Variants in TFB1M observed in about 807,000 individuals in gnomAD.
TFB1M encodes dimethyladenosine transferase 1, mitochondrial.
A neutral mutation model predicts 31.1 loss-of-function variants in TFB1M; 27 were observed. That is an observed-to-expected ratio of 0.87 (90% CI 0.64 to 1.20). The LOEUF (loss-of-function observed/expected upper bound fraction) is 1.20, where lower values mean the gene tolerates loss of function less well. TFB1M is among the 50% of genes most tolerant of loss of function. The pLI is 0.00. For missense variants in TFB1M, 394 were observed against 418.7 expected, an observed-to-expected ratio of 0.94 and a Z score of 0.51; for synonymous variants, 166 against 151.8, an observed-to-expected ratio of 1.09 and a Z score of -0.69.
chr6:155,247,857 C>A, the TFB1M span: 2 of 1,055,394 alleles, frequency 1.9e-6, no homozygotes, highest in Non-Finnish European at 2.7e-6. Context: ...GGGTGCCTGA[C>A]CCACTGATGT....
chr6:155,243,249 T>G, the TFB1M span, among the ~76,000 whole-genome samples: 1 of 152,124 alleles, frequency 6.6e-6, no homozygotes, highest in Non-Finnish European at 1.5e-5. Context: ...ACCCCAAAGT[T>G]GAAGGGCTCC....
At chr6:155,248,287 C>T in the TFB1M span, 2 of 1,291,808 alleles carry the variant, frequency 1.5e-6, no homozygotes, top group African/African-American at 1.5e-5. Context: ...AGTGGCACGT[C>T]CTAAGTCACT....
At chr6:155,254,355 C>T (rs775737136), downstream of TFB1M, 56 of 1,572,616 alleles carry the variant, frequency 3.6e-5, no homozygotes, top group Middle Eastern at 1.7e-4. Flanking sequence ...CACAGGCGGG[C>T]GTGGAATGGA....
At chr6:155,283,670 C>A (rs975636497) in intron 5 of TFB1M, among the ~76,000 whole-genome samples, 4 of 152,090 alleles carry the variant, frequency 2.6e-5, no homozygotes, top group African/African-American at 9.7e-5. Flanking sequence ...ATCCTAAGAA[C>A]CCGTTAGTAA....
chr6:155,311,217 T>C lies in TFB1M; in HGVS notation c.256A>G (p.Lys86Glu), dbSNP rs1373077919. 1.2e-6 allele frequency: 2 copies of C among 1,614,050 alleles called. No individual in the cohort carries two copies. The highest frequency in any genetic ancestry group is 1.7e-6 in the Non-Finnish European group (2 of 1,179,998). Residue 86 changes from lysine (K) to glutamate (E), a missense_variant, in exon 2 of 7, where the codon AAG becomes GAG. Transcript: ENST00000367166. ...AATCCAGGAATAAATCGAGTGTCCTTTTCAACCACCAGAAGTTCAGCGACG... is the reference window on the plus strand; with the variant it reads ...AATCCAGGAATAAATCGAGTGTCCTCTTCAACCACCAGAAGTTCAGCGACG... Reference protein sequence around the residue: ...ADVAELLVVEKDTRFIPGLQM... With the variant: ...ADVAELLVVEEDTRFIPGLQM...
intron 4 of TFB1M, among the ~76,000 whole-genome samples, chr6:155,286,966 A>T (rs1776688021): frequency 6.6e-6 from 1 of 152,184 alleles, no homozygotes; most frequent in Non-Finnish European, 1.5e-5. Context: ...ATCAATAATC[A>T]TAAGATAAAT....
Position 155,306,303 on chromosome 6 carries a change from A to T in TFB1M, c.285+4885T>A, listed in dbSNP as rs369839981. Among the ~76,000 whole-genome samples the T allele has an allele frequency of 1.3e-4, 20 of 152,322 alleles. No homozygotes were observed. In the East Asian group the frequency reaches 2.7e-3, roughly 21 times the overall value. On this transcript the variant is annotated intron_variant, in intron 2 of 6. Transcript: ENST00000367166. ...TAAAACAATTTGGTATTTCTGTAAA[A>T]AGTATAATATACGTCTACCACAGGA...
chr6:155,257,941 A>G lies in TFB1M; in HGVS notation c.936T>C (p.Asp312=), dbSNP rs866549993. The change falls in exon 7 of 7, where the codon GAT becomes GAC. Residue 312 remains aspartate, a synonymous_variant. Transcript: ENST00000367166. ...TATATGCAAAGAGTTGTGGGTCTTC[A>G]TCACACATTTTTCTGTATACATCAC... ...SLCDVYRKMC[D]EDPQLFAYNF... 8.7e-6 allele frequency: 14 copies of G among 1,614,160 alleles called. No homozygotes were observed. Among genetic ancestry groups the G allele is most frequent in the Admixed American group, 1.7e-5 (1 of 60,014 alleles).
chr6:155,309,876 T>C (rs1011929455), intron 2 of TFB1M, among the ~76,000 whole-genome samples: 2 of 152,186 alleles, frequency 1.3e-5, no homozygotes, highest in African/African-American at 4.8e-5. Context: ...AATTCCACAT[T>C]TGATCAAGGA....
At chr6:155,308,172 C>T (rs569696983) in intron 2 of TFB1M, among the ~76,000 whole-genome samples, 6 of 152,186 alleles carry the variant, frequency 3.9e-5, no homozygotes, top group African/African-American at 1.4e-4. Flanking sequence ...CAAGAAACAA[C>T]GAAAAACTTA....
chr6:155,281,474 C>G (rs991955684), intron 5 of TFB1M, among the ~76,000 whole-genome samples: 1 of 152,152 alleles, frequency 6.6e-6, no homozygotes, highest in Non-Finnish European at 1.5e-5. Flanking sequence ...GTAATCCCAG[C>G]ACTTTGGGAG....
At chr6:155,253,341 G>A, downstream of TFB1M, 1 of 372,404 alleles carries the variant, frequency 2.7e-6, no homozygotes, top group South Asian at 5.8e-5. Context: ...AAATGTGTTA[G>A]AAGAACAAAG....
At chr6:155,291,070 G>T (rs192125167) in intron 4 of TFB1M, among the ~76,000 whole-genome samples, 2 of 152,186 alleles carry the variant, frequency 1.3e-5, no homozygotes, top group African/African-American at 2.4e-5. Flanking sequence ...TCAATCTGAG[G>T]AGGGGGACAT....
At chr6:155,276,979 C>T (rs1785258673) in intron 5 of TFB1M, among the ~76,000 whole-genome samples, 1 of 152,194 alleles carries the variant, frequency 6.6e-6, no homozygotes, top group Non-Finnish European at 1.5e-5. Flanking sequence ...ATATTATATG[C>T]AAACTAAGAT....
chr6:155,239,227 A>C, the TFB1M span, among the ~76,000 whole-genome samples: 3 of 152,224 alleles, frequency 2.0e-5, no homozygotes, highest in Admixed American at 6.5e-5. Flanking sequence ...TGAAAAAAGG[A>C]GAGTTTTTTA....
intron 5 of TFB1M, among the ~76,000 whole-genome samples, chr6:155,269,564 C>T (rs180970969): frequency 1.3e-5 from 2 of 152,160 alleles, no homozygotes; most frequent in East Asian, 1.9e-4. Flanking sequence ...TCAGGCGATC[C>T]GCCTGCCTCA....
downstream of TFB1M, chr6:155,254,392 T>C (rs780195837): frequency 6.2e-7 from 1 of 1,607,348 alleles, no homozygotes; most frequent in South Asian, 1.1e-5. Flanking sequence ...TGGACACTTC[T>C]GCTGTTTTCT....
chr6:155,231,380 C>T, the TFB1M span, among the ~76,000 whole-genome samples: 1 of 152,202 alleles, frequency 6.6e-6, no homozygotes, highest in South Asian at 2.1e-4. Flanking sequence ...TTTCTTCCTC[C>T]TTTTTGTACC....
intron 1 of TFB1M, among the ~76,000 whole-genome samples, chr6:155,312,961 G>GA (rs1268532167): frequency 1.3e-5 from 2 of 152,056 alleles, no homozygotes; most frequent in Non-Finnish European, 2.9e-5. Context: ...AAAAGATGAG[G>GA]AAACTACTGG....
Sources: gnomAD v4.1 joint callset for allele counts (sites outside exome capture counted in the v4.1 genomes callset) on GRCh38, gnomAD v4.1.1 for gene constraint, MANE v1.5 for transcripts, NCBI Gene and HGNC (gene_info 2026-07-23, HGNC 2026-07-21) for gene names.